EPB41: variants seen among roughly 807,000 people sequenced by gnomAD.
EPB41 encodes protein 4.1.
Under a neutral mutation model 108.0 loss-of-function variants are expected in EPB41, and 65 were observed. The observed-to-expected ratio is 0.60, with a 90% CI of 0.49 to 0.74. The LOEUF (loss-of-function observed/expected upper bound fraction) is 0.74, where lower values mean the gene tolerates loss of function less well. Ranked by LOEUF, EPB41 falls within the 30% of genes least tolerant of loss-of-function variation. The pLI, the probability that EPB41 is intolerant of heterozygous loss-of-function variation, is 0.00. For synonymous variants in EPB41, 336 were observed against 358.9 expected, an observed-to-expected ratio of 0.94 and a Z score of 0.72; for missense variants, 875 against 1,037.0, an observed-to-expected ratio of 0.84 and a Z score of 2.15.
intron 7 of EPB41, among the ~76,000 whole-genome samples, chr1:29,022,728 A>T (rs576261262): frequency 6.6e-6 from 1 of 152,134 alleles, no homozygotes; most frequent in East Asian, 1.9e-4. Context: ...TCTCAAAAAA[A>T]AAGAAAAAAG....
chr1:28,914,977 C>G (rs1038780917), intron 1 of EPB41, among the ~76,000 whole-genome samples: 29 of 151,964 alleles, frequency 1.9e-4, no homozygotes, highest in Admixed American at 4.6e-4. Context: ...GAGCGAGGGG[C>G]GGGCCAGAGC....
intron 2 of EPB41, among the ~76,000 whole-genome samples, chr1:28,989,670 G>A (rs2095959721): frequency 6.6e-6 from 1 of 152,178 alleles, no homozygotes; most frequent in Non-Finnish European, 1.5e-5. Flanking sequence ...GATTTACTAT[G>A]TTCTGTAATA....
chr1:28,942,495 A>T (rs1277353924), intron 1 of EPB41, among the ~76,000 whole-genome samples: 1 of 152,242 alleles, frequency 6.6e-6, no homozygotes, highest in Non-Finnish European at 1.5e-5. Context: ...TACAGAGAAT[A>T]CAGATGAAAA....
At chr1:29,039,196 A>G in intron 10 of EPB41, 58 bp from the exon 11 acceptor site, 1 of 1,521,544 alleles carries the variant, frequency 6.6e-7, no homozygotes, top group Non-Finnish European at 8.9e-7. Context: ...TTAATTTTAC[A>G]GTTTTAGAAT....
Position 29,116,066 on chromosome 1 carries a change from G to A in EPB41, c.*6+263G>A, listed in dbSNP as rs145159482. Among the ~76,000 whole-genome samples the A allele has an allele frequency of 8.0e-3, 1,214 of 151,778 alleles. 12 individuals carry two copies. Among genetic ancestry groups the A allele is most frequent in the Middle Eastern group, 0.02 (6 of 294 alleles). On this transcript the variant is annotated intron_variant, in intron 20 of 20. Transcript: ENST00000343067. The stretch of plus-strand genomic sequence containing the variant: ...ATATAAGCCCCCAGCTACCCTCTGA[G>A]TCTTCATGCATCCTGCTGGAGATCC...
At chr1:28,968,061 T>TA (rs2095406047) in intron 1 of EPB41, among the ~76,000 whole-genome samples, 1 of 152,140 alleles carries the variant, frequency 6.6e-6, no homozygotes, top group Non-Finnish European at 1.5e-5. Flanking sequence ...AAGGCTGTTT[T>TA]TAAAACTTCG....
At chr1:28,982,281 A>C in intron 1 of EPB41, 1 of 547,216 alleles carries the variant, frequency 1.8e-6, no homozygotes, top group Admixed American at 2.3e-5. Flanking sequence ...AAAGCATCTA[A>C]AACCACAGCT....
At chr1:28,984,503 A>G (rs2095828891) in intron 1 of EPB41, among the ~76,000 whole-genome samples, 1 of 152,214 alleles carries the variant, frequency 6.6e-6, no homozygotes, top group African/African-American at 2.4e-5. Flanking sequence ...ACGTAGCATC[A>G]GTCCTGTGCT....
intron 11 of EPB41, among the ~76,000 whole-genome samples, chr1:29,044,747 G>C (rs1161991082): frequency 1.3e-5 from 2 of 152,182 alleles, no homozygotes; most frequent in East Asian, 3.8e-4. Flanking sequence ...AGCTACTCAG[G>C]ACGCTGAGGC....
chr1:28,968,713 C>G (rs2095420538), intron 1 of EPB41, among the ~76,000 whole-genome samples: 1 of 152,072 alleles, frequency 6.6e-6, no homozygotes, highest in Non-Finnish European at 1.5e-5. Flanking sequence ...CCTATAATCC[C>G]AGCGCTTTGG....
chr1:28,960,301 A>G (rs1178801675), intron 1 of EPB41, among the ~76,000 whole-genome samples: 1 of 151,964 alleles, frequency 6.6e-6, no homozygotes, highest in African/African-American at 2.4e-5. Flanking sequence ...GTGAGTCACT[A>G]TATCCAGTCC....
chr1:28,955,416 G>A (rs1468252759), intron 1 of EPB41, among the ~76,000 whole-genome samples: 1 of 151,506 alleles, frequency 6.6e-6, no homozygotes, highest in Non-Finnish European at 1.5e-5. Flanking sequence ...ATCTCCACTC[G>A]CTGCAACCTC....
At chr1:29,036,181 C>T (rs1435266848) in intron 10 of EPB41, among the ~76,000 whole-genome samples, 1 of 151,424 alleles carries the variant, frequency 6.6e-6, no homozygotes. Context: ...TTACCAGGGA[C>T]TCTGGGATTG....
chr1:29,061,211 T>C lies in EPB41; in HGVS notation c.2007+727T>C, dbSNP rs182509930. On this transcript the variant is annotated intron_variant, in intron 15 of 20. Transcript: ENST00000343067. ...AGCAACATGCTGTCTGCTATAGGAG[T>C]TGTAAGATTATTTTCCCATTATATT... Among the ~76,000 whole-genome samples the C allele has an allele frequency of 3.3e-3, 500 of 152,108 alleles. 3 individuals carry two copies. The highest frequency in any genetic ancestry group is 9.5e-3 in the Admixed American group (145 of 15,270).
chr1:29,104,207 C>G (rs1334991923), intron 17 of EPB41, among the ~76,000 whole-genome samples: 2 of 152,144 alleles, frequency 1.3e-5, no homozygotes, highest in Non-Finnish European at 2.9e-5. Context: ...AAGTGCCTGG[C>G]AGATAATAAG....
chr1:29,080,669 G>A (rs966124741), intron 16 of EPB41, among the ~76,000 whole-genome samples: 3 of 152,168 alleles, frequency 2.0e-5, no homozygotes, highest in Non-Finnish European at 4.4e-5. Flanking sequence ...GATTACAGGT[G>A]TGAGCCACTG....
At chr1:29,033,912 C>T (rs563333547) in intron 9 of EPB41, among the ~76,000 whole-genome samples, 1 of 152,310 alleles carries the variant, frequency 6.6e-6, no homozygotes, top group South Asian at 2.1e-4. Context: ...GCTCAGCTTC[C>T]TTGTCATTTG....
chr1:29,081,814 A>AGG (rs1656769551), intron 16 of EPB41, among the ~76,000 whole-genome samples: 2 of 148,546 alleles, frequency 1.3e-5, no homozygotes. Context: ...CAGCCTGGGC[A>AGG]ACAAGAGCGA....
intron 17 of EPB41, among the ~76,000 whole-genome samples, chr1:29,099,268 T>TAAA (rs1219575690): frequency 3.3e-5 from 4 of 122,264 alleles, no homozygotes; most frequent in Non-Finnish European, 3.5e-5. Context: ...TCCACTGCAT[T>TAAA]AAAAAAAAAA....
Sources: allele counts gnomAD v4.1 joint callset (sites outside exome capture counted in the v4.1 genomes callset), GRCh38; gene constraint gnomAD v4.1.1; transcripts MANE v1.5; gene names NCBI Gene and HGNC (gene_info 2026-07-23, HGNC 2026-07-21).